KIF26B: variants seen among roughly 807,000 people sequenced by gnomAD.
KIF26B encodes the protein kinesin-like protein KIF26B.
Under a neutral mutation model 151.2 loss-of-function variants are expected in KIF26B, and 63 were observed. The observed-to-expected ratio is 0.42, with a 90% confidence interval of 0.34 to 0.51. The LOEUF is 0.51. KIF26B is among the 20% of genes least tolerant of loss of function. KIF26B has a pLI of 0.07. For synonymous variants in KIF26B, 1,357 were observed against 1,262.1 expected (o/e 1.08, Z -1.59); for missense variants, 2,813 against 2,913.6 (o/e 0.97, Z 0.79).
intron 4 of KIF26B, among the ~76,000 whole-genome samples, chr1:245,458,640 T>C (rs1447185012): frequency 6.6e-6 from 1 of 152,194 alleles, no homozygotes; most frequent in Non-Finnish European, 1.5e-5. Flanking sequence ...TTAGGAGTAG[T>C]AATGGATGTA....
intron 12 of KIF26B, among the ~76,000 whole-genome samples, chr1:245,696,250 CATT>C (rs2044691563): frequency 6.6e-6 from 1 of 152,240 alleles, no homozygotes; most frequent in Non-Finnish European, 1.5e-5. Context: ...TTTCTTGGGT[CATT>C]CCCTCTGGGG....
chr1:245,207,142 G>A (rs112025216), intron 2 of KIF26B, among the ~76,000 whole-genome samples: 60 of 152,268 alleles, frequency 3.9e-4, no homozygotes, highest in African/African-American at 1.4e-3. Flanking sequence ...AATAGAATAG[G>A]ATGCATGGAA....
chr1:245,226,038 A>G (rs1445320134), intron 2 of KIF26B: 1 of 152,254 alleles, frequency 6.6e-6, no homozygotes, highest in Non-Finnish European at 1.5e-5. Flanking sequence ...AATTGTGCTT[A>G]GTGATTGATG....
chr1:245,609,275 A>C lies in KIF26B; in HGVS notation c.1661A>C (p.Tyr554Ser). 1 of 1,603,520 alleles carries C rather than the reference A, an allele frequency of 6.2e-7. No individual in the cohort carries two copies. Among genetic ancestry groups the C allele is most frequent in the Non-Finnish European group, 8.5e-7 (1 of 1,173,796 alleles). The change falls in exon 8 of 15, where the codon TAC (tyrosine) becomes TCC (serine). Residue 554 changes from tyrosine to serine, a missense_variant. Tyr to Ser is a moderately radical substitution (Grantham distance 144, BLOSUM62 -2). Coordinates refer to ENST00000407071, the MANE Select transcript of KIF26B (RefSeq NM_018012.4). ...CFGHAKLGKS[Y>S]TMIGKDDSMQ... is the part of the protein sequence containing the mutation. The stretch of plus-strand genomic sequence containing the variant: ...TCCCTGGTTCTCCCAGGAAAATCCT[A>C]CACCATGATCGGAAAGGATGATTCC...
chr1:245,509,237 G>A (rs748847790), intron 4 of KIF26B, among the ~76,000 whole-genome samples: 1 of 152,354 alleles, frequency 6.6e-6, no homozygotes. Flanking sequence ...AGGGCAGTGT[G>A]TATAGGTACT....
At chr1:245,199,854 C>T (rs1232267956) in intron 2 of KIF26B, among the ~76,000 whole-genome samples, 1 of 148,934 alleles carries the variant, frequency 6.7e-6, no homozygotes, top group Admixed American at 6.7e-5. Flanking sequence ...CACCCATCCA[C>T]TTGTTCATTG....
intron 2 of KIF26B, among the ~76,000 whole-genome samples, chr1:245,203,059 C>G (rs1017572345): frequency 1.3e-5 from 2 of 151,556 alleles, no homozygotes; most frequent in African/African-American, 4.9e-5. Context: ...TTGAGACCAG[C>G]CTGGACAACA....
intron 2 of KIF26B, among the ~76,000 whole-genome samples, chr1:245,333,102 T>C (rs1460865001): frequency 6.6e-6 from 1 of 151,990 alleles, no homozygotes; most frequent in Non-Finnish European, 1.5e-5. Flanking sequence ...TGTGGCTGGA[T>C]TGATAGAATA....
intron 5 of KIF26B, among the ~76,000 whole-genome samples, chr1:245,561,941 T>C (rs1270745160): frequency 3.9e-5 from 6 of 152,318 alleles, no homozygotes; most frequent in East Asian, 1.9e-4. Context: ...TCTTTACAGC[T>C]TTCTGTGGCC....
intron 12 of KIF26B, among the ~76,000 whole-genome samples, chr1:245,694,114 G>A (rs528478248): frequency 1.2e-4 from 19 of 152,330 alleles, no homozygotes; most frequent in Non-Finnish European, 2.4e-4. Context: ...GCCCAGGCTC[G>A]GCATCGAGGA....
intron 2 of KIF26B, among the ~76,000 whole-genome samples, chr1:245,225,029 G>C (rs1669846610): frequency 6.6e-6 from 1 of 152,188 alleles, no homozygotes; most frequent in Admixed American, 6.5e-5. Flanking sequence ...AAAACTTCCA[G>C]ATGAGTTTCC....
intron 2 of KIF26B, among the ~76,000 whole-genome samples, chr1:245,298,293 A>C (rs1301957285): frequency 6.6e-6 from 1 of 152,244 alleles, no homozygotes; most frequent in Non-Finnish European, 1.5e-5. Flanking sequence ...GAGATAAACA[A>C]AATGTGGTCT....
In KIF26B at chr1:245,527,524, C is replaced by CTTTTTTTTTTTTTTTTTTTTTTTTT. The variant is rs548422038; in HGVS notation, c.1167-13240_1167-13216dup. 4.5e-4 allele frequency among the ~76,000 whole-genome samples: 23 copies of CTTTTTTTTTTTTTTTTTTTTTTTTT among 50,722 alleles called. 9 individuals are homozygous for CTTTTTTTTTTTTTTTTTTTTTTTTT. The highest frequency in any genetic ancestry group is 1.4e-3 in the African/African-American group (14 of 10,212). 33.3% of individuals were successfully genotyped at this position (50,722 alleles called of 152,430 possible). On this transcript the variant is annotated intron_variant, in intron 4 of 14. Coordinates refer to ENST00000407071, the MANE Select transcript of KIF26B (RefSeq NM_018012.4). ...TCATTTATATCTGGCTTTGGGATGGCTTTTTTTTTTTTTTTTTTTTTTTTT... is the reference window on the plus strand; with the variant it reads ...TCATTTATATCTGGCTTTGGGATGGCTTTTTTTTTTTTTTTTTTTTTTTTTTTTTTTTTTTTTTTTTTTTTTTTTT...
intron 4 of KIF26B, among the ~76,000 whole-genome samples, chr1:245,492,207 C>T (rs141546378): frequency 0.027 from 4,164 of 152,242 alleles, 89 homozygotes; most frequent in South Asian, 0.06. Flanking sequence ...AGGGCTGAGC[C>T]GCGTCAGCTC....
chr1:245,225,697 C>G (rs1669860134), intron 2 of KIF26B, among the ~76,000 whole-genome samples: 1 of 152,186 alleles, frequency 6.6e-6, no homozygotes, highest in African/African-American at 2.4e-5. Context: ...CAGAGGCATT[C>G]CCCTTTCCTC....
Position 245,668,771 on chromosome 1 carries a change from C to G in KIF26B, c.2259-15462C>G, listed in dbSNP as rs536147564. On this transcript the variant is annotated intron_variant, in intron 10 of 14. Transcript: ENST00000407071. The stretch of plus-strand genomic sequence containing the variant: ...GTGGCACAATCTTGGCTTACCGCAA[C>G]CTCTGCTTCCTGGGTTCAAGTGATT... Among the ~76,000 whole-genome samples the G allele has an allele frequency of 3.3e-4, 50 of 152,244 alleles. No individual in the cohort carries two copies. The South Asian group carries it at 9.8e-3, about 30-fold the overall frequency.
chr1:245,673,010 A>G (rs1343066524), intron 10 of KIF26B, among the ~76,000 whole-genome samples: 1 of 152,010 alleles, frequency 6.6e-6, no homozygotes, highest in African/African-American at 2.4e-5. Context: ...CCCATAATGC[A>G]CCCAGTCCCC....
intron 5 of KIF26B, among the ~76,000 whole-genome samples, chr1:245,586,784 G>T (rs1377055759): frequency 6.6e-6 from 1 of 151,698 alleles, no homozygotes; most frequent in Non-Finnish European, 1.5e-5. Context: ...TACTCGGGAG[G>T]CTGAGGCAGG....
intron 2 of KIF26B, among the ~76,000 whole-genome samples, chr1:245,271,999 G>T (rs1192093410): frequency 6.6e-6 from 1 of 152,092 alleles, no homozygotes; most frequent in Non-Finnish European, 1.5e-5. Context: ...CTTTTTGGGA[G>T]ATTTTTGGTT....
Sources: gnomAD v4.1 joint callset for allele counts (sites outside exome capture counted in the v4.1 genomes callset) on GRCh38, gnomAD v4.1.1 for gene constraint, MANE v1.5 for transcripts, NCBI Gene and HGNC (gene_info 2026-07-23, HGNC 2026-07-21) for gene names.